Variants in COL5A2 observed in about 807,000 individuals in gnomAD.
COL5A2 encodes the protein collagen alpha-2(V) chain.
A neutral mutation model predicts 208.2 loss-of-function variants in COL5A2; 23 were observed. The observed-to-expected ratio is 0.11, with a 90% CI of 0.08 to 0.16. The LOEUF (loss-of-function observed/expected upper bound fraction) is 0.16, where lower values mean the gene tolerates loss of function less well. COL5A2 is among the 10% of genes least tolerant of loss of function. The pLI is 1.00. For synonymous variants in COL5A2, 625 were observed against 628.5 expected, an observed-to-expected ratio of 0.99 and a Z score of 0.08; for missense variants, 1,590 against 1,956.4, an observed-to-expected ratio of 0.81 and a Z score of 3.53.
chr2:189,035,208 C>T, intron 52 of COL5A2, 53 bp from the exon 53 acceptor site: 1 of 1,608,750 alleles, frequency 6.2e-7, no homozygotes, highest in East Asian at 2.2e-5. Context: ...TTTCATAATG[C>T]CTTACACATG....
chr2:189,266,785 C>T, the COL5A2 span, among the ~76,000 whole-genome samples: 2 of 151,972 alleles, frequency 1.3e-5, no homozygotes, highest in African/African-American at 2.4e-5. Context: ...AGTTATACCT[C>T]AAAAGATGTT....
the COL5A2 span, among the ~76,000 whole-genome samples, chr2:189,290,218 A>T: frequency 2.0e-5 from 3 of 152,356 alleles, no homozygotes; most frequent in South Asian, 6.2e-4. Context: ...TGCCAAGAAC[A>T]CACAATGAGA....
the COL5A2 span, among the ~76,000 whole-genome samples, chr2:189,245,710 G>A: frequency 7.9e-5 from 12 of 151,938 alleles, no homozygotes; most frequent in Admixed American, 1.3e-4. Flanking sequence ...TCCTGACCTC[G>A]TGATCCGCCC....
the COL5A2 span, among the ~76,000 whole-genome samples, chr2:189,346,636 T>G: frequency 2.0e-5 from 3 of 152,284 alleles, no homozygotes; most frequent in South Asian, 6.2e-4. Flanking sequence ...TTAGACAAGT[T>G]TAGAAAACAG....
the COL5A2 span, among the ~76,000 whole-genome samples, chr2:189,243,336 A>G: frequency 6.6e-6 from 1 of 152,308 alleles, no homozygotes; most frequent in South Asian, 2.1e-4. Flanking sequence ...TGCTGCCAAT[A>G]AAGACATATC....
At chr2:189,132,712 G>C (rs1687740373) in intron 1 of COL5A2, among the ~76,000 whole-genome samples, 1 of 152,098 alleles carries the variant, frequency 6.6e-6, no homozygotes, top group South Asian at 2.1e-4. Context: ...CTCAAGGTCA[G>C]GAGTTTGAGA....
chr2:189,060,720 A>G lies in COL5A2; in HGVS notation c.2085+10T>C. 1.2e-6 allele frequency: 2 copies of G among 1,608,940 alleles called. No individual in the cohort carries two copies. The highest frequency in any genetic ancestry group is 8.5e-7 in the Non-Finnish European group (1 of 1,175,394). On this transcript the variant is annotated intron_variant, in intron 31 of 53. Coordinates refer to ENST00000374866, the MANE Select transcript of COL5A2 (RefSeq NM_000393.5). ...TATAGTGTTGCCATTATTATTATTT[A>G]AACACTTACTTGATCACCTGGTTTT... is the stretch of plus-strand genomic sequence containing the variant.
At chr2:189,039,217 A>G in intron 51 of COL5A2, 55 bp downstream of exon 51, 1 of 1,600,892 alleles carries the variant, frequency 6.2e-7, no homozygotes, top group Non-Finnish European at 8.5e-7. Flanking sequence ...AATGCAGTTG[A>G]GAATAAACAA....
At chr2:189,046,206 A>G (rs886190203) in intron 45 of COL5A2, among the ~76,000 whole-genome samples, 8 of 152,192 alleles carry the variant, frequency 5.3e-5, no homozygotes, top group Non-Finnish European at 1.2e-4. Flanking sequence ...CATGTTTTCT[A>G]GAGCACCAAT....
intron 1 of COL5A2, among the ~76,000 whole-genome samples, chr2:189,214,415 T>C (rs1207349456): frequency 1.3e-5 from 2 of 152,048 alleles, no homozygotes; most frequent in African/African-American, 4.8e-5. Flanking sequence ...AACAATACTA[T>C]ATAAAAACAA....
intron 17 of COL5A2, among the ~76,000 whole-genome samples, chr2:189,074,887 C>T (rs900120873): frequency 1.3e-5 from 2 of 152,186 alleles, no homozygotes; most frequent in African/African-American, 4.8e-5. Flanking sequence ...TCATGTTCAA[C>T]ATTACCAGCA....
intron 1 of COL5A2, among the ~76,000 whole-genome samples, chr2:189,126,066 A>G (rs56900526): frequency 0.029 from 4,438 of 152,168 alleles, 77 homozygotes; most frequent in Admixed American, 0.045. Flanking sequence ...TACAAACTCC[A>G]CTATATGTGT....
chr2:189,397,004 A>C, the COL5A2 span, among the ~76,000 whole-genome samples: 2 of 151,922 alleles, frequency 1.3e-5, no homozygotes, highest in Admixed American at 1.3e-4. Context: ...AAAAAAAAAA[A>C]AAAAAGATAA....
At position 189,072,655 on chromosome 2, in the gene COL5A2, C is replaced by T. The variant is rs1248765869; in HGVS notation, c.1105-562G>A. On this transcript the variant is annotated intron_variant, in intron 17 of 53. Coordinates refer to ENST00000374866, the MANE Select transcript of COL5A2 (RefSeq NM_000393.5). ...GGTGTAGTGGCTGGCGCCTATAATCCCAGCTACTTGGGAGGCTGAGGCAGG... is the reference window on the plus strand; with the variant it reads ...GGTGTAGTGGCTGGCGCCTATAATCTCAGCTACTTGGGAGGCTGAGGCAGG... 7.3e-5 allele frequency among the ~76,000 whole-genome samples: 11 copies of T among 150,736 alleles called. No homozygotes were observed. In the Admixed American group the frequency reaches 7.3e-4, roughly 10 times the overall value.
intron 31 of COL5A2, among the ~76,000 whole-genome samples, chr2:189,059,865 G>A (rs1685989962): frequency 6.6e-6 from 1 of 151,876 alleles, no homozygotes; most frequent in Non-Finnish European, 1.5e-5. Flanking sequence ...GATTACAGGT[G>A]TGAGCCACTG....
chr2:189,250,651 T>C, the COL5A2 span, among the ~76,000 whole-genome samples: 1 of 152,170 alleles, frequency 6.6e-6, no homozygotes, highest in Non-Finnish European at 1.5e-5. Context: ...CAAGGCTAAC[T>C]GAACGTTCCA....
the COL5A2 span, among the ~76,000 whole-genome samples, chr2:189,322,067 C>G: frequency 3.3e-5 from 5 of 152,210 alleles, no homozygotes; most frequent in Non-Finnish European, 7.3e-5. Flanking sequence ...CAACCTGCTC[C>G]TGAATGACTA....
chr2:189,197,080 A>G (rs138862798), intron 1 of COL5A2, among the ~76,000 whole-genome samples: 79 of 152,320 alleles, frequency 5.2e-4, no homozygotes, highest in African/African-American at 1.8e-3. Flanking sequence ...CTGGATACAT[A>G]TACACCATAG....
In COL5A2 at chr2:189,035,043, A is replaced by G. The variant is rs1685415694; in HGVS notation, c.4226T>C (p.Val1409Ala). ...QNITYICKNS[V>A]GYMDDQAKNL... Reference sequence around the variant, plus strand: ...CTTAGCTTGATCGTCCATGTATCCTACACTGTTTTTACAGATGTAAGTGAT... The same window carrying G: ...CTTAGCTTGATCGTCCATGTATCCTGCACTGTTTTTACAGATGTAAGTGAT... Residue 1409 changes from valine to alanine, a missense_variant, in exon 53 of 54, where the codon GTA (valine) becomes GCA (alanine). Transcript: ENST00000374866. The G allele has an allele frequency of 2.5e-6, 4 of 1,613,886 alleles. No homozygotes were observed. The highest frequency in any genetic ancestry group is 3.4e-6 in the Non-Finnish European group (4 of 1,179,884).
Sources: allele counts gnomAD v4.1 joint callset (sites outside exome capture counted in the v4.1 genomes callset), GRCh38; gene constraint gnomAD v4.1.1; transcripts MANE v1.5; gene names NCBI Gene and HGNC (gene_info 2026-07-23, HGNC 2026-07-21).